The following DGKB variants were observed in gnomAD, a reference collection of about 807,000 sequenced individuals.
DGKB encodes the protein diacylglycerol kinase beta, also known as 90 kDa diacylglycerol kinase.
DGKB carries 67 observed loss-of-function variants against 114.3 expected under a neutral mutation model. The ratio of observed to expected loss-of-function variants is 0.59; its 90% confidence interval spans 0.48 to 0.72. DGKB has a LOEUF of 0.72. DGKB is among the 30% of genes least tolerant of loss of function. The pLI is 0.00. For missense variants in DGKB, 907 were observed against 975.2 expected (o/e 0.93, Z 0.93); for synonymous variants, 398 against 323.1 (o/e 1.23, Z -2.49).
At chr7:14,670,352 G>C (rs1194531991) in intron 13 of DGKB, among the ~76,000 whole-genome samples, 8 of 151,234 alleles carry the variant, frequency 5.3e-5, no homozygotes, top group Non-Finnish European at 1.2e-4. Flanking sequence ...ACTCAGTCTG[G>C]AGTGCAGTGA....
chr7:14,619,092 G>T (rs1807116591), intron 15 of DGKB, among the ~76,000 whole-genome samples: 2 of 149,232 alleles, frequency 1.3e-5, no homozygotes, highest in Non-Finnish European at 3.0e-5. Flanking sequence ...ATTCTATTTT[G>T]GTCCTTTCTG....
At chr7:14,463,974 A>T (rs1192897612) in intron 21 of DGKB, among the ~76,000 whole-genome samples, 1 of 152,070 alleles carries the variant, frequency 6.6e-6, no homozygotes, top group East Asian at 1.9e-4. Context: ...GAGAATAAAA[A>T]TAAGATTGGG....
At chr7:14,332,886 A>G (rs1263818248) in intron 23 of DGKB, among the ~76,000 whole-genome samples, 1 of 152,150 alleles carries the variant, frequency 6.6e-6, no homozygotes, top group Non-Finnish European at 1.5e-5. Context: ...CATGATGGGT[A>G]CCTGGACAGT....
chr7:14,513,549 C>T (rs890455989), intron 20 of DGKB, among the ~76,000 whole-genome samples: 1 of 151,988 alleles, frequency 6.6e-6, no homozygotes, highest in South Asian at 2.1e-4. Context: ...CCTATATTTT[C>T]ATACTATGTC....
intron 1 of DGKB, among the ~76,000 whole-genome samples, chr7:14,964,032 A>T (rs1787013213): frequency 6.6e-6 from 1 of 152,150 alleles, no homozygotes; most frequent in Admixed American, 6.6e-5. Flanking sequence ...ATTATTTATA[A>T]GAAAAAGTGT....
intron 14 of DGKB, among the ~76,000 whole-genome samples, chr7:14,629,882 T>C (rs1170491016): frequency 1.3e-5 from 2 of 152,108 alleles, no homozygotes; most frequent in Non-Finnish European, 2.9e-5. Context: ...TAAATTCTTT[T>C]GGATTTCCAG....
intron 20 of DGKB, among the ~76,000 whole-genome samples, chr7:14,520,234 G>A (rs1431543896): frequency 1.5e-4 from 18 of 121,400 alleles, no homozygotes; most frequent in Non-Finnish European, 2.5e-4. Context: ...TTTGCAGGAG[G>A]CAGCCTAACT....
rs1563896966 is a variant in DGKB at position 14,682,629 on chromosome 7, T to C, written c.959A>G (p.Lys320Arg). 5 of 1,613,642 alleles carry C rather than the reference T, an allele frequency of 3.1e-6. No homozygotes were observed. Among genetic ancestry groups the C allele is most frequent in the Non-Finnish European group, 4.2e-6 (5 of 1,179,640 alleles). ...HYWVEGNCPT[K>R]CDKCHKTVKC... ...AACAGTTTTGTGGCACTTATCACACTTGGTTGGGCAGTTACCTTCAACCCA... is the reference window on the plus strand; with the variant it reads ...AACAGTTTTGTGGCACTTATCACACCTGGTTGGGCAGTTACCTTCAACCCA... Residue 320 changes from lysine (K) to arginine (R), a missense_variant, in exon 12 of 26, where the codon AAG becomes AGG. Coordinates refer to ENST00000402815, the MANE Select transcript of DGKB (RefSeq NM_001350709.2).
chr7:14,512,184 A>G (rs1422364556), intron 20 of DGKB, among the ~76,000 whole-genome samples: 2 of 152,250 alleles, frequency 1.3e-5, no homozygotes, highest in Admixed American at 1.3e-4. Flanking sequence ...GCAATAAAGC[A>G]GAGCACAATA....
chr7:14,659,746 C>T (rs1816641391), intron 13 of DGKB, among the ~76,000 whole-genome samples: 1 of 148,294 alleles, frequency 6.7e-6, no homozygotes, highest in South Asian at 2.2e-4. Context: ...CCTAACTGCC[C>T]TGGCCAGAAC....
At chr7:14,333,999 T>C (rs1483350701) in intron 23 of DGKB, among the ~76,000 whole-genome samples, 1 of 152,224 alleles carries the variant, frequency 6.6e-6, no homozygotes, top group Non-Finnish European at 1.5e-5. Flanking sequence ...GTGCTTGATA[T>C]ATAAGCCAGT....
chr7:14,583,626 C>T (rs1045059369), intron 17 of DGKB, among the ~76,000 whole-genome samples: 6 of 152,148 alleles, frequency 3.9e-5, no homozygotes, highest in Non-Finnish European at 7.3e-5. Flanking sequence ...CAGACTGCAA[C>T]TGGGGTTCTA....
rs577271131 is a variant in DGKB, at chr7:14,318,331, C to A, written c.2122+20184G>T. 2.2e-4 allele frequency among the ~76,000 whole-genome samples: 33 copies of A among 151,436 alleles called. 1 individual carries two copies. The South Asian group carries it at 4.2e-3, about 19-fold the overall frequency. ...AGCTTCTGCACAGCAAAAGAAACTA[C>A]CATCAGAGTGAACAGGCAACCTATA... On this transcript the variant is annotated intron_variant, in intron 23 of 25. Transcript: ENST00000402815.
chr7:14,505,454 G>GAAA, intron 20 of DGKB, among the ~76,000 whole-genome samples: 1 of 132,168 alleles, frequency 7.6e-6, no homozygotes. Context: ...ACTCCGTCTC[G>GAAA]AAAAAAAAAA....
At chr7:14,179,852 G>A (rs947430766) in intron 23 of DGKB, among the ~76,000 whole-genome samples, 5 of 152,286 alleles carry the variant, frequency 3.3e-5, no homozygotes, top group African/African-American at 9.6e-5. Flanking sequence ...TTAACTTAGA[G>A]CTTCCACCTT....
chr7:14,535,391 A>AAAAAAAG (rs1792289497), intron 20 of DGKB, among the ~76,000 whole-genome samples: 1 of 146,646 alleles, frequency 6.8e-6, no homozygotes. Context: ...AAAAAAAAAA[A>AAAAAAAG]AAAGAAAGAA....
intron 23 of DGKB, among the ~76,000 whole-genome samples, chr7:14,247,591 G>A (rs1794669010): frequency 6.6e-6 from 1 of 151,994 alleles, no homozygotes; most frequent in Non-Finnish European, 1.5e-5. Flanking sequence ...GCATTTTCCT[G>A]ATAATAAGTG....
intron 20 of DGKB, among the ~76,000 whole-genome samples, chr7:14,522,385 T>C (rs11771647): frequency 0.42 from 63,206 of 151,918 alleles, 13,924 homozygotes; most frequent in East Asian, 0.72. Flanking sequence ...TCTTTGACTG[T>C]CCAACCTCCC....
At chr7:14,947,237 T>A (rs1477602726) in intron 1 of DGKB, among the ~76,000 whole-genome samples, 1 of 151,732 alleles carries the variant, frequency 6.6e-6, no homozygotes, top group Non-Finnish European at 1.5e-5. Context: ...TCTGTTTAGG[T>A]ATCTGAGAGC....
Sources: gnomAD v4.1 joint callset for allele counts (sites outside exome capture counted in the v4.1 genomes callset) on GRCh38, gnomAD v4.1.1 for gene constraint, MANE v1.5 for transcripts, NCBI Gene and HGNC (gene_info 2026-07-23, HGNC 2026-07-21) for gene names.